The following CLIC5 variants were observed in gnomAD, a reference collection of about 807,000 sequenced individuals.
CLIC5 encodes chloride intracellular channel protein 5.
In CLIC5, 20 loss-of-function variants were observed where a neutral mutation model predicts 24.7. The observed-to-expected ratio is 0.81, with a 90% CI of 0.57 to 1.18. The LOEUF is 1.18. Ranked by LOEUF, CLIC5 falls within the 50% of genes most tolerant of loss-of-function variation. The pLI is 0.00. For missense variants in CLIC5, 341 were observed against 326.1 expected, an observed-to-expected ratio of 1.05 and a Z score of -0.35; for synonymous variants, 159 against 135.6, an observed-to-expected ratio of 1.17 and a Z score of -1.20.
intron 1 of CLIC5, among the ~76,000 whole-genome samples, chr6:46,071,287 C>A (rs1762588510): frequency 6.6e-6 from 1 of 151,882 alleles, no homozygotes; most frequent in Non-Finnish European, 1.5e-5. Flanking sequence ...GAGTAAACAA[C>A]CTACAGAACA....
At chr6:46,054,254 C>A (rs951994873) in intron 1 of CLIC5, among the ~76,000 whole-genome samples, 4 of 152,130 alleles carry the variant, frequency 2.6e-5, no homozygotes, top group Admixed American at 6.6e-5. Flanking sequence ...TCCTTCTCTG[C>A]TCCAAGGCAA....
At chr6:46,023,918 G>A (rs1283012043) in intron 1 of CLIC5, among the ~76,000 whole-genome samples, 1 of 150,968 alleles carries the variant, frequency 6.6e-6, no homozygotes, top group Admixed American at 6.6e-5. Context: ...ACCCACAACT[G>A]TCACCTAGTA....
chr6:45,933,986 A>G (rs1361321777), intron 4 of CLIC5, among the ~76,000 whole-genome samples: 1 of 152,210 alleles, frequency 6.6e-6, no homozygotes, highest in Non-Finnish European at 1.5e-5. Context: ...GAGAAGTCAC[A>G]GGAGGGGAGA....
chr6:46,060,384 A>C (rs1469758818), intron 1 of CLIC5, among the ~76,000 whole-genome samples: 2 of 152,222 alleles, frequency 1.3e-5, no homozygotes, highest in African/African-American at 4.8e-5. Context: ...AGAGATTCTC[A>C]ATGTAAATAC....
intron 4 of CLIC5, chr6:45,918,943 C>T (rs1763140464): frequency 1.0e-6 from 1 of 985,340 alleles, no homozygotes; most frequent in Non-Finnish European, 1.2e-6. Context: ...ACCCAGGGCA[C>T]ATACGCTTAT....
At chr6:45,958,469 TATATATAA>T (rs1764738943) in intron 1 of CLIC5, among the ~76,000 whole-genome samples, 2 of 28,932 alleles carry the variant, frequency 6.9e-5, no homozygotes, top group South Asian at 7.1e-4. Flanking sequence ...TATATATATA[TATATATAA>T]ACAGCTAATG....
chr6:46,111,358 G>A, the CLIC5 span, among the ~76,000 whole-genome samples: 3 of 152,156 alleles, frequency 2.0e-5, no homozygotes, highest in Non-Finnish European at 4.4e-5. Flanking sequence ...GCCATCTGAA[G>A]ATGCTTTAGA....
chr6:45,903,388 T>C, intron 5 of CLIC5, 133 bp from the exon 6 acceptor site: 1 of 630,080 alleles, frequency 1.6e-6, no homozygotes, highest in South Asian at 3.3e-5. Context: ...AGTGATATGT[T>C]TGAAATGCAA....
chr6:45,919,091 C>A, intron 4 of CLIC5: 18 of 985,428 alleles, frequency 1.8e-5, no homozygotes, highest in Non-Finnish European at 1.9e-5. Flanking sequence ...AAAACAACAA[C>A]AACTTTAATT....
At position 45,914,233 on chromosome 6, in the gene CLIC5, C is replaced by A; in HGVS notation, c.583G>T (p.Val195Phe). The change falls in exon 5 of 6, where the codon GTC becomes TTC. Residue 195 changes from valine (V) to phenylalanine (F), a missense_variant. Val to Phe is a conservative substitution (Grantham distance 50). Coordinates refer to ENST00000339561, the MANE Select transcript of CLIC5 (RefSeq NM_016929.5). Reference protein sequence around the residue: ...DCNLLPKLHVVKIVAKKYRNY... With the variant: ...DCNLLPKLHVFKIVAKKYRNY... ...TGTGGGTAGAGCTCTCTTACCTTGA[C>A]CACATGGAGCTTGGGCAACAGATTG... The A allele has an allele frequency of 6.3e-7, 1 of 1,591,272 alleles. No homozygotes were observed. Among genetic ancestry groups the A allele is most frequent in the South Asian group, 1.1e-5 (1 of 88,244 alleles).
chr6:45,913,337 G>T (rs976052477), intron 5 of CLIC5, among the ~76,000 whole-genome samples: 3 of 152,190 alleles, frequency 2.0e-5, no homozygotes, highest in Non-Finnish European at 4.4e-5. Context: ...CATTGACAGA[G>T]CTTAGGGGGA....
At chr6:46,118,203 T>C in the CLIC5 span, among the ~76,000 whole-genome samples, 1 of 152,230 alleles carries the variant, frequency 6.6e-6, no homozygotes, top group African/African-American at 2.4e-5. Context: ...TGCTGCTTTG[T>C]TGACCAAATA....
chr6:45,920,251 A>G (rs1158102436), intron 4 of CLIC5: 9 of 984,218 alleles, frequency 9.1e-6, no homozygotes, highest in African/African-American at 1.7e-5. Context: ...AGGGGCAACC[A>G]TGACCCATCA....
At chr6:45,981,636 T>A (rs59981678) in intron 1 of CLIC5, among the ~76,000 whole-genome samples, 1 of 152,050 alleles carries the variant, frequency 6.6e-6, no homozygotes, top group Non-Finnish European at 1.5e-5. Flanking sequence ...AACCTTGCAC[T>A]TTCATATTGC....
At chr6:46,018,914 A>G (rs567862098), upstream of CLIC5, 1 of 152,326 alleles carries the variant, frequency 6.6e-6, no homozygotes, top group East Asian at 1.9e-4. Flanking sequence ...TTTAGATTCA[A>G]TAATATGACC....
chr6:46,006,349 TTG>T (rs2127437924), intron 1 of CLIC5, among the ~76,000 whole-genome samples: 1 of 148,016 alleles, frequency 6.8e-6, no homozygotes, highest in South Asian at 2.1e-4. Context: ...TTTCACCATA[TTG>T]GCCAGGCTGG....
chr6:45,972,791 C>T (rs12662667), intron 1 of CLIC5, among the ~76,000 whole-genome samples: 17,800 of 152,188 alleles, frequency 0.12, 1,594 homozygotes, highest in East Asian at 0.48. Flanking sequence ...CCTTTAAAAC[C>T]GATGCATTGG....
intron 1 of CLIC5, among the ~76,000 whole-genome samples, chr6:45,968,055 C>G (rs1765075781): frequency 2.0e-5 from 3 of 152,124 alleles, no homozygotes; most frequent in African/African-American, 7.2e-5. Context: ...TTAGGAAAAC[C>G]CATGCAGAAT....
chr6:45,889,542 A>G (rs192481535), intron 6 of CLIC5, among the ~76,000 whole-genome samples: 1 of 152,332 alleles, frequency 6.6e-6, no homozygotes, highest in African/African-American at 2.4e-5. Context: ...AAGGGTATAT[A>G]TTTGCATTTT....
Sources: allele counts gnomAD v4.1 joint callset (sites outside exome capture counted in the v4.1 genomes callset), GRCh38; gene constraint gnomAD v4.1.1; transcripts MANE v1.5; gene names NCBI Gene and HGNC (gene_info 2026-07-23, HGNC 2026-07-21).